THUMPD2: variants seen among roughly 807,000 people sequenced by gnomAD.
THUMPD2 encodes the protein THUMP domain 2 tRNA and snRNA guanosine methyltransferase.
In THUMPD2, 56 loss-of-function variants were observed where a neutral mutation model predicts 49.4. The ratio of observed to expected loss-of-function variants is 1.13; its 90% CI spans 0.91 to 1.41. The LOEUF is 1.41. Ranked by LOEUF, THUMPD2 falls within the 40% of genes most tolerant of loss-of-function variation. THUMPD2 has a pLI of 0.00. For missense variants in THUMPD2, 709 were observed against 594.5 expected, an observed-to-expected ratio of 1.19 and a Z score of -2.00; for synonymous variants, 237 against 205.2, an observed-to-expected ratio of 1.15 and a Z score of -1.32.
intron 6 of THUMPD2, chr2:39,757,192 C>G: frequency 2.6e-6 from 1 of 384,232 alleles, no homozygotes; most frequent in South Asian, 2.0e-5. Flanking sequence ...AGGTTCTGGG[C>G]AGACGGGAGA....
intron 9 of THUMPD2, among the ~76,000 whole-genome samples, chr2:39,742,567 T>G (rs1237266068): frequency 6.6e-6 from 1 of 152,178 alleles, no homozygotes; most frequent in Non-Finnish European, 1.5e-5. Context: ...AGATTTTCAG[T>G]TAGAGTAAGC....
chr2:39,744,326 G>T, intron 9 of THUMPD2, 44 bp downstream of exon 9: 7 of 1,225,014 alleles, frequency 5.7e-6, no homozygotes, highest in Non-Finnish European at 8.0e-6. Flanking sequence ...TCGGTTAAAT[G>T]CCCAGTAGCT....
intron 9 of THUMPD2, among the ~76,000 whole-genome samples, chr2:39,741,829 T>C (rs1366932135): frequency 6.6e-6 from 1 of 152,178 alleles, no homozygotes; most frequent in East Asian, 1.9e-4. Context: ...CCATTTTCTA[T>C]CTAGGGCCTT....
At chr2:39,761,620 T>G (rs529409102) in intron 5 of THUMPD2, among the ~76,000 whole-genome samples, 36 of 152,304 alleles carry the variant, frequency 2.4e-4, no homozygotes, top group African/African-American at 7.9e-4. Context: ...CAGTGTTGAA[T>G]TTCAGAAAGG....
At chr2:39,773,560 T>TATATATATATTTATATTTTAAAAAA (rs1678631901) in intron 1 of THUMPD2, among the ~76,000 whole-genome samples, 3 of 39,138 alleles carry the variant, frequency 7.7e-5, no homozygotes, top group African/African-American at 4.5e-4. Flanking sequence ...TATTTAAAAA[T>TATATATATATTTATATTTTAAAAAA]ATATATATAT....
chr2:39,740,920 C>T (rs529986163), intron 9 of THUMPD2, among the ~76,000 whole-genome samples: 23 of 152,068 alleles, frequency 1.5e-4, no homozygotes, highest in Admixed American at 9.8e-4. Flanking sequence ...CTATGTTGTC[C>T]GGGCTAGTCT....
rs1673082270 is a variant in THUMPD2 at position 39,736,404 on chromosome 2, A to G, written c.*331T>C. On this transcript the variant is annotated 3_prime_UTR_variant, in exon 10 of 10. Transcript: ENST00000505747. Reference sequence around the variant, plus strand: ...AGTTAAAATATCCCGTCTGGTGTTGATTGTGATACACTTAAGTGAACCCCT... The same window carrying G: ...AGTTAAAATATCCCGTCTGGTGTTGGTTGTGATACACTTAAGTGAACCCCT... 5.2e-6 allele frequency: 1 copy of G among 190,840 alleles called. No individual in the cohort carries two copies. Among genetic ancestry groups the G allele is most frequent in the Admixed American group, 5.8e-5 (1 of 17,182 alleles). 11.8% of individuals were successfully genotyped at this position (190,840 alleles called of 1,614,324 possible).
intron 8 of THUMPD2, 50 bp downstream of exon 8, chr2:39,755,239 CTAAATA>C (rs1675949411): frequency 8.4e-7 from 1 of 1,195,476 alleles, no homozygotes; most frequent in Admixed American, 2.8e-5. Context: ...TATTATGATT[CTAAATA>C]TATTTACATT....
chr2:39,745,677 C>G (rs1032034329), intron 8 of THUMPD2, among the ~76,000 whole-genome samples: 1 of 152,166 alleles, frequency 6.6e-6, no homozygotes, highest in African/African-American at 2.4e-5. Flanking sequence ...CCATTATGTC[C>G]AGGTTTAGAA....
intron 8 of THUMPD2, among the ~76,000 whole-genome samples, chr2:39,750,025 G>A (rs139977002): frequency 3.3e-5 from 5 of 152,306 alleles, no homozygotes; most frequent in African/African-American, 1.2e-4. Context: ...TTGACTCTGT[G>A]TCTTTGCTAT....
intron 9 of THUMPD2, among the ~76,000 whole-genome samples, chr2:39,741,705 C>A (rs1673915785): frequency 6.6e-6 from 1 of 152,148 alleles, no homozygotes; most frequent in South Asian, 2.1e-4. Flanking sequence ...ATCTTTAATT[C>A]TGATTGCATG....
chr2:39,751,621 TA>T (rs1329679849), intron 8 of THUMPD2, among the ~76,000 whole-genome samples: 5 of 151,892 alleles, frequency 3.3e-5, no homozygotes, highest in Admixed American at 2.6e-4. Flanking sequence ...CATTTGATTC[TA>T]AATTTTCATA....
intron 1 of THUMPD2, among the ~76,000 whole-genome samples, chr2:39,773,604 TAAAAA>T (rs1678655015): frequency 7.3e-6 from 1 of 136,950 alleles, no homozygotes; most frequent in African/African-American, 3.0e-5. Context: ...ATTTATATTT[TAAAAA>T]TATATATATA....
Position 39,768,405 on chromosome 2 carries a change from T to C in THUMPD2, c.750+19A>G. On this transcript the variant is annotated intron_variant, in intron 4 of 9. Transcript: ENST00000505747. ...AGAATTAGGTTACAAGTATATAAAATAAAACAAATACTCATTACCTCTAAT... is the reference window on the plus strand; with the variant it reads ...AGAATTAGGTTACAAGTATATAAAACAAAACAAATACTCATTACCTCTAAT... 6.3e-7 allele frequency: 1 copy of C among 1,591,420 alleles called. No individual in the cohort carries two copies. Among genetic ancestry groups the C allele is most frequent in the Non-Finnish European group, 8.6e-7 (1 of 1,163,336 alleles).
At chr2:39,770,742 G>A (rs191399277) in intron 2 of THUMPD2, among the ~76,000 whole-genome samples, 3 of 152,184 alleles carry the variant, frequency 2.0e-5, no homozygotes, top group East Asian at 3.9e-4. Context: ...AGAGTACTAG[G>A]AGGAATTATA....
At chr2:39,760,257 C>T (rs1204273662) in intron 6 of THUMPD2, among the ~76,000 whole-genome samples, 2 of 151,964 alleles carry the variant, frequency 1.3e-5, no homozygotes, top group Admixed American at 6.6e-5. Context: ...CATCTTATGA[C>T]AGGGAAGAGG....
intron 9 of THUMPD2, among the ~76,000 whole-genome samples, chr2:39,738,059 G>A (rs1673366064): frequency 6.6e-6 from 1 of 152,158 alleles, no homozygotes; most frequent in African/African-American, 2.4e-5. Flanking sequence ...TACAGTAAAT[G>A]GTAGCTAAAG....
intron 4 of THUMPD2, 33 bp from the exon 5 acceptor site, chr2:39,766,142 C>T (rs377682175): frequency 9.1e-5 from 130 of 1,435,522 alleles, no homozygotes; most frequent in Non-Finnish European, 1.2e-4. Flanking sequence ...TAGAATGGAA[C>T]AAGAAACTTC....
chr2:39,742,639 C>T (rs997712981), intron 9 of THUMPD2, among the ~76,000 whole-genome samples: 6 of 152,124 alleles, frequency 3.9e-5, no homozygotes, highest in African/African-American at 1.4e-4. Context: ...TAGTATCTCA[C>T]CATGAATTGG....
Sources: allele counts gnomAD v4.1 joint callset (sites outside exome capture counted in the v4.1 genomes callset), GRCh38; gene constraint gnomAD v4.1.1; transcripts MANE v1.5; gene names NCBI Gene and HGNC (gene_info 2026-07-23, HGNC 2026-07-21).